PRKCI: variants seen among roughly 807,000 people sequenced by gnomAD.
PRKCI encodes protein kinase C iota.
Under a neutral mutation model 84.0 loss-of-function variants are expected in PRKCI, and 43 were observed. The ratio of observed to expected loss-of-function variants is 0.51; its 90% CI spans 0.40 to 0.66. The LOEUF (loss-of-function observed/expected upper bound fraction) is 0.66, where lower values mean the gene tolerates loss of function less well. PRKCI is among the 30% of genes least tolerant of loss of function. PRKCI has a pLI of 0.00. For missense variants in PRKCI, 459 were observed against 745.6 expected (o/e 0.62, Z 4.48); for synonymous variants, 216 against 234.4 (o/e 0.92, Z 0.72).
intron 2 of PRKCI, among the ~76,000 whole-genome samples, chr3:170,248,386 A>G (rs1309955340): frequency 6.8e-6 from 1 of 147,858 alleles, no homozygotes; most frequent in Non-Finnish European, 1.5e-5. Flanking sequence ...GGGGGAAAAA[A>G]CCTGCTGGTT....
chr3:170,294,868 ATATCT>A (rs1477650903), intron 14 of PRKCI, among the ~76,000 whole-genome samples: 2 of 152,098 alleles, frequency 1.3e-5, no homozygotes, highest in Non-Finnish European at 2.9e-5. Context: ...TATATATGTA[ATATCT>A]TATTTTTTTT....
chr3:170,282,126 A>G (rs1462552968), intron 11 of PRKCI, among the ~76,000 whole-genome samples, 158 bp downstream of exon 11: 4 of 152,220 alleles, frequency 2.6e-5, no homozygotes, highest in Admixed American at 2.6e-4. Context: ...TACATTATAT[A>G]TATGTAAAAC....
chr3:170,291,136 C>CA (rs35556777), intron 12 of PRKCI, among the ~76,000 whole-genome samples: 7 of 145,976 alleles, frequency 4.8e-5, no homozygotes, highest in Non-Finnish European at 6.0e-5. Flanking sequence ...ACTCTGTCTC[C>CA]AAAAAAAAAA....
chr3:170,257,339 C>T (rs944000217), intron 2 of PRKCI, among the ~76,000 whole-genome samples: 2 of 152,112 alleles, frequency 1.3e-5, no homozygotes, highest in African/African-American at 4.8e-5. Context: ...TCATAGGTTT[C>T]AGCAGCTGGT....
rs12494977 is a variant in PRKCI at position 170,253,530 on chromosome 3, G to A, written c.224-6439G>A. 9.4e-4 allele frequency among the ~76,000 whole-genome samples: 143 copies of A among 152,274 alleles called. 2 individuals are homozygous for A. Among genetic ancestry groups the A allele is most frequent in the African/African-American group, 3.3e-3 (139 of 41,562 alleles). On this transcript the variant is annotated intron_variant, in intron 2 of 17. Transcript: ENST00000295797. Reference sequence around the variant, plus strand: ...TCAGGAGCCGGGCACAGTGGCTCACGCCTGTAATCCCAGCACTTTGGGAGG... The same window carrying A: ...TCAGGAGCCGGGCACAGTGGCTCACACCTGTAATCCCAGCACTTTGGGAGG...
intron 12 of PRKCI, among the ~76,000 whole-genome samples, chr3:170,289,507 C>T (rs1235617563): frequency 6.6e-6 from 1 of 152,148 alleles, no homozygotes; most frequent in African/African-American, 2.4e-5. Context: ...GGGCACAGTG[C>T]TCACGCCTGT....
chr3:170,288,315 T>C (rs1308040435), intron 12 of PRKCI, among the ~76,000 whole-genome samples: 2 of 152,150 alleles, frequency 1.3e-5, no homozygotes, highest in Non-Finnish European at 2.9e-5. Context: ...GAAAATAATA[T>C]TGGCTTCTTA....
intron 8 of PRKCI, 90 bp downstream of exon 8, chr3:170,275,377 C>A: frequency 2.5e-6 from 3 of 1,205,776 alleles, no homozygotes; most frequent in Non-Finnish European, 3.3e-6. Flanking sequence ...CCTGCTTAGA[C>A]TTTAGATCAT....
intron 15 of PRKCI, among the ~76,000 whole-genome samples, chr3:170,296,812 A>G (rs1011591462): frequency 2.6e-5 from 4 of 152,232 alleles, no homozygotes; most frequent in African/African-American, 9.6e-5. Flanking sequence ...CATAGTGATG[A>G]ATAAGCCAAG....
At chr3:170,285,890 C>T (rs1308197142) in intron 12 of PRKCI, among the ~76,000 whole-genome samples, 7 of 150,582 alleles carry the variant, frequency 4.6e-5, no homozygotes, top group South Asian at 2.1e-4. Context: ...GATTAAGGTG[C>T]GCCCCACCAT....
intron 2 of PRKCI, among the ~76,000 whole-genome samples, chr3:170,241,770 T>A (rs114862680): frequency 0.022 from 3,197 of 147,602 alleles, 55 homozygotes; most frequent in East Asian, 0.085. Flanking sequence ...CTATGGGCTT[T>A]TGAGATCCTC....
Position 170,273,145 on chromosome 3 carries a change from A to G in PRKCI, c.592-141A>G, listed in dbSNP as rs550807349. The G allele has an allele frequency of 2.9e-4, 198 of 679,004 alleles. No homozygotes were observed. In the African/African-American group the frequency reaches 3.4e-3, roughly 12 times the overall value. The allele number at this position is 679,004 out of a possible 1,614,324, so 42.1% of individuals were successfully genotyped here. On this transcript the variant is annotated intron_variant, in intron 6 of 17. Transcript: ENST00000295797. Reference sequence around the variant, plus strand: ...CAGCAGTATTGTATAGTTTCATAAAACAAAATTAAAAGTAAATTCTCACTT... The same window carrying G: ...CAGCAGTATTGTATAGTTTCATAAAGCAAAATTAAAAGTAAATTCTCACTT...
intron 2 of PRKCI, among the ~76,000 whole-genome samples, chr3:170,240,218 C>G (rs1458619668): frequency 6.6e-6 from 1 of 151,990 alleles, no homozygotes; most frequent in Non-Finnish European, 1.5e-5. Context: ...AGGCTAGCAA[C>G]AAGCCTTTCC....
intron 2 of PRKCI, among the ~76,000 whole-genome samples, chr3:170,256,106 A>T (rs1221201009): frequency 6.6e-6 from 1 of 152,164 alleles, no homozygotes; most frequent in African/African-American, 2.4e-5. Flanking sequence ...GGATTTTTGC[A>T]TCAATGTTCA....
At position 170,282,091 on chromosome 3, in the gene PRKCI, G is replaced by C. The variant is rs113175656; in HGVS notation, c.1067+123G>C. On this transcript the variant is annotated intron_variant, in intron 11 of 17. Coordinates refer to ENST00000295797, the MANE Select transcript of PRKCI (RefSeq NM_002740.6). ...TACTAGTTAATTATTTGTAAGTCAT[G>C]CAGAGGCTGAGCTAAAAGTTAATTT... 117 of 990,584 alleles carry C rather than the reference G, an allele frequency of 1.2e-4. 1 individual carries two copies. In the African/African-American group the frequency reaches 1.7e-3, roughly 14 times the overall value. The allele number at this position is 990,584 out of a possible 1,614,324, so 61.4% of individuals were successfully genotyped here. A position where few individuals can be genotyped will look rare whatever the true frequency, so the allele number is the denominator to read the frequency against.
In PRKCI at chr3:170,293,243, A is replaced by C. The variant is rs952344661; in HGVS notation, c.1292-140A>C. 30 of 660,442 alleles carry C rather than the reference A, an allele frequency of 4.5e-5. No individual in the cohort carries two copies. In the African/African-American group the frequency reaches 5.6e-4, roughly 12 times the overall value. The allele number at this position is 660,442 out of a possible 1,614,324, so 40.9% of individuals were successfully genotyped here. ...TAAATGAAGCATTTCTATAATCTTC[A>C]GTGCCTACCATGATAGTTGGAATGC... On this transcript the variant is annotated intron_variant, in intron 13 of 17. Coordinates refer to ENST00000295797, the MANE Select transcript of PRKCI (RefSeq NM_002740.6).
chr3:170,284,785 T>C (rs553666562), intron 12 of PRKCI, among the ~76,000 whole-genome samples, 189 bp downstream of exon 12: 2 of 152,358 alleles, frequency 1.3e-5, no homozygotes, highest in South Asian at 4.1e-4. Context: ...TTCTGTGTTA[T>C]GTGTACTACA....
At chr3:170,268,479 C>CAA (rs77046182) in intron 5 of PRKCI, among the ~76,000 whole-genome samples, 16 of 66,688 alleles carry the variant, frequency 2.4e-4, no homozygotes, top group Middle Eastern at 0.017. Context: ...GACTCAGTTT[C>CAA]AAAAAAAAAA....
At chr3:170,284,704 ACTTAAG>A in intron 12 of PRKCI, 108 bp downstream of exon 12, 1 of 1,306,172 alleles carries the variant, frequency 7.7e-7, no homozygotes, top group South Asian at 1.4e-5. Context: ...TTGCTAATTT[ACTTAAG>A]CTTTGTGGAA....
Sources: gnomAD v4.1 joint callset for allele counts (sites outside exome capture counted in the v4.1 genomes callset) on GRCh38, gnomAD v4.1.1 for gene constraint, MANE v1.5 for transcripts, NCBI Gene and HGNC (gene_info 2026-07-23, HGNC 2026-07-21) for gene names.